The following GPC6 variants were observed in gnomAD, a reference collection of about 807,000 sequenced individuals.
The protein encoded by GPC6 is glypican 6.
In GPC6, 14 loss-of-function variants were observed where a neutral mutation model predicts 55.2. That is an observed-to-expected ratio of 0.25 (90% CI 0.17 to 0.40). GPC6 has a LOEUF of 0.40. Among genes scored for constraint, GPC6 ranks in the 10% least tolerant of loss-of-function variants. GPC6 has a pLI of 1.00. For missense variants in GPC6, 641 were observed against 708.5 expected (o/e 0.90, Z 1.08); for synonymous variants, 278 against 259.6 (o/e 1.07, Z -0.68).
In GPC6 at chr13:93,868,467, GCTTAA is replaced by G. The variant is rs1376073285; in HGVS notation, c.711+37928_711+37932del. ...AGTTAATAATTTTGCTTACAGCATT[GCTTAA>G]CTTAAGTGTACAATTTCACACAGAA... On this transcript the variant is annotated intron_variant, in intron 3 of 8. Coordinates refer to ENST00000377047, the MANE Select transcript of GPC6 (RefSeq NM_005708.5). Among the ~76,000 whole-genome samples, 35 of 151,834 alleles carry G rather than the reference GCTTAA, an allele frequency of 2.3e-4. No homozygotes were observed. The South Asian group carries it at 5.0e-3, about 22-fold the overall frequency.
chr13:94,069,042 T>A (rs1884635926), intron 4 of GPC6, among the ~76,000 whole-genome samples: 2 of 152,156 alleles, frequency 1.3e-5, no homozygotes, highest in South Asian at 4.1e-4. Flanking sequence ...ACATTTCCCT[T>A]CTGCACTGCC....
chr13:93,766,787 T>C (rs1386888580), intron 2 of GPC6, among the ~76,000 whole-genome samples: 1 of 152,142 alleles, frequency 6.6e-6, no homozygotes, highest in Non-Finnish European at 1.5e-5. Context: ...TAGTATTTCA[T>C]GTGACTGGCT....
chr13:94,073,068 G>A (rs1360827197), intron 4 of GPC6, among the ~76,000 whole-genome samples: 2 of 152,156 alleles, frequency 1.3e-5, no homozygotes, highest in African/African-American at 4.8e-5. Flanking sequence ...AGAGAGTCAT[G>A]TCTACACCTA....
chr13:93,596,716 A>C (rs536058501), intron 2 of GPC6, among the ~76,000 whole-genome samples: 3 of 148,308 alleles, frequency 2.0e-5, no homozygotes, highest in African/African-American at 7.3e-5. Flanking sequence ...GTGTGTATAC[A>C]CATATATAAG....
intron 2 of GPC6, among the ~76,000 whole-genome samples, chr13:93,748,401 CT>C (rs1884472682): frequency 6.6e-6 from 1 of 150,846 alleles, no homozygotes; most frequent in Non-Finnish European, 1.5e-5. Context: ...TTTTTTTTTG[CT>C]TTTTTTATTT....
chr13:94,020,853 C>T (rs2138711782), intron 3 of GPC6, among the ~76,000 whole-genome samples: 1 of 152,150 alleles, frequency 6.6e-6, no homozygotes, highest in East Asian at 1.9e-4. Flanking sequence ...TTTAATTTCC[C>T]ATGAGCTTAC....
intron 4 of GPC6, among the ~76,000 whole-genome samples, chr13:94,240,329 A>G (rs1013555441): frequency 9.9e-5 from 15 of 152,094 alleles, no homozygotes; most frequent in Non-Finnish European, 1.9e-4. Flanking sequence ...ACAGTATTTG[A>G]TTACTTTATC....
At chr13:94,011,462 T>C (rs575821798) in intron 3 of GPC6, among the ~76,000 whole-genome samples, 6 of 152,194 alleles carry the variant, frequency 3.9e-5, no homozygotes, top group Non-Finnish European at 7.3e-5. Context: ...AATGTGCTTT[T>C]GTTGGTATAT....
chr13:93,922,927 T>C (rs375109733), intron 3 of GPC6, among the ~76,000 whole-genome samples: 3 of 152,168 alleles, frequency 2.0e-5, no homozygotes, highest in Non-Finnish European at 4.4e-5. Context: ...CCACCTCTTA[T>C]AATGAATATA....
intron 1 of GPC6, among the ~76,000 whole-genome samples, chr13:93,544,167 A>G (rs1260066245): frequency 6.6e-6 from 1 of 152,116 alleles, no homozygotes; most frequent in East Asian, 1.9e-4. Context: ...TGACTTCAAA[A>G]CAGCAAAAGA....
intron 1 of GPC6, among the ~76,000 whole-genome samples, chr13:93,409,154 G>T (rs901395153): frequency 6.6e-6 from 1 of 151,246 alleles, no homozygotes; most frequent in South Asian, 2.1e-4. Context: ...GTTTTCTTAT[G>T]ATGAGTCAGT....
chr13:93,623,445 CTTTTCTTTTCTTTTTTTTTTTTTTTTT>C (rs1879044306), intron 2 of GPC6, among the ~76,000 whole-genome samples: 1 of 59,378 alleles, frequency 1.7e-5, no homozygotes, highest in South Asian at 3.7e-4. Flanking sequence ...GTTTTCTTTT[CTTTTCTTTTCTTTTTTTTTTTTTTTTT>C]TTTTGAGACG....
chr13:93,725,766 A>G (rs1345471372), intron 2 of GPC6, among the ~76,000 whole-genome samples: 1 of 152,040 alleles, frequency 6.6e-6, no homozygotes, highest in Non-Finnish European at 1.5e-5. Context: ...AAAACTAGCC[A>G]TTTGTAAAAT....
chr13:93,692,918 T>A (rs1566489878), intron 2 of GPC6, among the ~76,000 whole-genome samples: 2 of 152,174 alleles, frequency 1.3e-5, no homozygotes, highest in Non-Finnish European at 2.9e-5. Flanking sequence ...TTTGCATGGA[T>A]CACTTTGTAT....
At chr13:93,224,408 C>G (rs1466816686), upstream of GPC6, among the ~76,000 whole-genome samples, 3 of 146,568 alleles carry the variant, frequency 2.0e-5, no homozygotes, top group African/African-American at 7.6e-5. Context: ...TGGTCAAGCT[C>G]GTCTCAAACT....
chr13:93,555,234 A>T (rs764063805), intron 2 of GPC6, among the ~76,000 whole-genome samples: 1 of 152,168 alleles, frequency 6.6e-6, no homozygotes, highest in South Asian at 2.1e-4. Flanking sequence ...ACATTTTATC[A>T]TTTTCACTTA....
intron 4 of GPC6, among the ~76,000 whole-genome samples, chr13:94,089,135 C>G (rs768096999): frequency 3.9e-5 from 6 of 152,074 alleles, no homozygotes; most frequent in Non-Finnish European, 8.8e-5. Flanking sequence ...GATTAAAAGC[C>G]CTTTGTACAG....
At chr13:93,967,558 C>T (rs1242773030) in intron 3 of GPC6, among the ~76,000 whole-genome samples, 8 of 152,088 alleles carry the variant, frequency 5.3e-5, no homozygotes, top group Admixed American at 5.2e-4. Context: ...TTTGTGATTC[C>T]TGGTGCAACA....
At chr13:93,441,954 A>C (rs889490400) in intron 1 of GPC6, among the ~76,000 whole-genome samples, 2 of 152,220 alleles carry the variant, frequency 1.3e-5, no homozygotes, top group Non-Finnish European at 2.9e-5. Context: ...GGATGGAATC[A>C]ATCCAGGACA....
Sources: allele counts gnomAD v4.1 joint callset (sites outside exome capture counted in the v4.1 genomes callset), GRCh38; gene constraint gnomAD v4.1.1; transcripts MANE v1.5; gene names NCBI Gene and HGNC (gene_info 2026-07-23, HGNC 2026-07-21).